BEGAIN: variants seen among roughly 807,000 people sequenced by gnomAD.
BEGAIN encodes brain enriched guanylate kinase associated, also known as brain-enriched guanylate kinase-associated protein.
A neutral mutation model predicts 35.8 loss-of-function variants in BEGAIN; 19 were observed. The observed-to-expected ratio is 0.53, with a 90% CI of 0.37 to 0.78. BEGAIN has a LOEUF of 0.78. Ranked by LOEUF, BEGAIN falls within the 30% of genes least tolerant of loss-of-function variation. The pLI is 0.00. For missense variants in BEGAIN, 795 were observed against 853.6 expected, an observed-to-expected ratio of 0.93 and a Z score of 0.85; for synonymous variants, 462 against 388.6, an observed-to-expected ratio of 1.19 and a Z score of -2.22.
In BEGAIN at chr14:100,538,778, T is replaced by G; in HGVS notation, c.1030A>C (p.Ile344Leu). 3.1e-6 allele frequency: 5 copies of G among 1,591,892 alleles called. No individual in the cohort carries two copies. The highest frequency in any genetic ancestry group is 4.3e-6 in the Non-Finnish European group (5 of 1,170,840). ...ASTLTASQQAIYLNSRDELFD... is the reference protein window; with the variant it reads ...ASTLTASQQALYLNSRDELFD... ...AGCTCGTCGCGGCTGTTCAGGTAGATGGCCTGCTGCGACGCGGTCAGCGTG... is the reference window on the plus strand; with the variant it reads ...AGCTCGTCGCGGCTGTTCAGGTAGAGGGCCTGCTGCGACGCGGTCAGCGTG... The change falls in exon 7 of 7, where the codon ATC (isoleucine) becomes CTC (leucine). Residue 344 changes from isoleucine (I) to leucine (L), a missense_variant. Around this residue, in one of 3 missense-constraint regions of BEGAIN, gnomAD observed 664 missense variants for 647.7 expected, o/e 1.03. Transcript: ENST00000554140.
At chr14:100,559,564 G>A (rs746831866) in intron 2 of BEGAIN, among the ~76,000 whole-genome samples, 3 of 152,318 alleles carry the variant, frequency 2.0e-5, no homozygotes, top group African/African-American at 7.2e-5. Flanking sequence ...AGGAACCCAC[G>A]CTGGCTTTGC....
Position 100,539,000 on chromosome 14 carries a change from C to T in BEGAIN, c.808G>A (p.Val270Met). ...GCCCGCAGGAAGCCCACGTCGGTCA[C>T]GGGCGCGTCCACGCTAGGCCGCCGG... is the stretch of plus-strand genomic sequence containing the variant. ...RDRRPSVDAP[V>M]TDVGFLRAQN... Residue 270 changes from valine (V) to methionine (M), a missense_variant, in exon 7 of 7, where the codon GTG (valine) becomes ATG (methionine). Around this residue, in one of 3 missense-constraint regions of BEGAIN, gnomAD observed 664 missense variants for 647.7 expected, o/e 1.03. Transcript: ENST00000554140. 1.9e-6 allele frequency: 3 copies of T among 1,610,460 alleles called. No individual in the cohort carries two copies. Among genetic ancestry groups the T allele is most frequent in the South Asian group, 2.2e-5 (2 of 90,800 alleles).
At chr14:100,540,422 T>C in intron 6 of BEGAIN, 74 bp downstream of exon 6, 2 of 1,162,992 alleles carry the variant, frequency 1.7e-6, no homozygotes, top group South Asian at 2.6e-5. Flanking sequence ...GGGAAATGGC[T>C]TTGGGGTAGC....
In BEGAIN at chr14:100,567,752, A is replaced by C. The variant is rs1177081302; in HGVS notation, c.71+159T>G. Among the ~76,000 whole-genome samples, 1 of 150,348 alleles carries C rather than the reference A, an allele frequency of 6.7e-6. No homozygotes were observed. The highest frequency in any genetic ancestry group is 1.5e-5 in the Non-Finnish European group (1 of 67,464). On this transcript the variant is annotated intron_variant, in intron 2 of 6. Coordinates refer to ENST00000554140, the MANE Select transcript of BEGAIN (RefSeq NM_001385089.1). This position sits in a 1 kb window ranked among gnomAD's most constrained non-coding sequence, Gnocchi z 5.1. Reference sequence around the variant, plus strand: ...CTCCCCAGCGCCTCGCGGCGCGCACACACGCACCACACACACGCACCTGGC... The same window carrying C: ...CTCCCCAGCGCCTCGCGGCGCGCACCCACGCACCACACACACGCACCTGGC...
In BEGAIN at chr14:100,567,846, T is replaced by C; in HGVS notation, c.71+65A>G. 2.3e-6 allele frequency: 3 copies of C among 1,318,522 alleles called. No individual in the cohort carries two copies. The highest frequency in any genetic ancestry group is 2.5e-5 in the Admixed American group (1 of 40,232). The allele number at this position is 1,318,522 out of a possible 1,614,324, so 81.7% of individuals were successfully genotyped here. On this transcript the variant is annotated intron_variant, in intron 2 of 6. Coordinates refer to ENST00000554140, the MANE Select transcript of BEGAIN (RefSeq NM_001385089.1). This position sits in a 1 kb window ranked among gnomAD's most constrained non-coding sequence, Gnocchi z 5.1. ...TCGGGTGGAGCCCCCTTCCCCCGCC[T>C]TCCCCAGCGCCCTCACCCCCGACCC...
chr14:100,566,103 C>T (rs534296468), intron 2 of BEGAIN, among the ~76,000 whole-genome samples: 22 of 152,344 alleles, frequency 1.4e-4, no homozygotes, highest in Admixed American at 1.2e-3. Context: ...AGGGCAGGAC[C>T]CCTCCCCAGT....
chr14:100,546,810 A>C (rs868729951), intron 2 of BEGAIN, 148 bp from the exon 3 acceptor site: 2 of 568,264 alleles, frequency 3.5e-6, no homozygotes, highest in Non-Finnish European at 5.4e-6. Context: ...ACACACACAC[A>C]CACTCACACA....
At position 100,568,999 on chromosome 14, in the gene BEGAIN, T is replaced by TC; in HGVS notation, c.43-1061dup. The TC allele has an allele frequency of 1.1e-6, 1 of 943,828 alleles. No homozygotes were observed. Among genetic ancestry groups the TC allele is most frequent in the Non-Finnish European group, 1.3e-6 (1 of 794,136 alleles). 58.5% of individuals were successfully genotyped at this position (943,828 alleles called of 1,614,324 possible). ...GCTCGGGTCCGGGCCCCACGCCGCC[T>TC]CCCCCACCGCCCCGCCGGGCGAGGG... On this transcript the variant is annotated intron_variant, in intron 1 of 6. Transcript: ENST00000554140. The surrounding 1 kb of genome is among the most constrained non-coding windows in gnomAD (Gnocchi z 7.5).
At chr14:100,584,566 C>T (rs975073914) in intron 1 of BEGAIN, among the ~76,000 whole-genome samples, 1 of 152,194 alleles carries the variant, frequency 6.6e-6, no homozygotes, top group Non-Finnish European at 1.5e-5. Flanking sequence ...AGAATTCACA[C>T]ACTTAGTCAT....
rs750258133 is a variant in BEGAIN, at chr14:100,546,674, TGGC to T, written c.72-15_72-13del. 7 of 1,530,148 alleles carry T rather than the reference TGGC, an allele frequency of 4.6e-6. No homozygotes were observed. In the Admixed American group the frequency reaches 5.7e-5, roughly 13 times the overall value. 94.8% of individuals were successfully genotyped at this position (1,530,148 alleles called of 1,614,324 possible). On this transcript the variant is annotated splice_polypyrimidine_tract_variant and intron_variant, in intron 2 of 6. Coordinates refer to ENST00000554140, the MANE Select transcript of BEGAIN (RefSeq NM_001385089.1). ...GCTCCTGCAGCGCGCTGCAACGACA[TGGC>T]GGCGGCGGGCCGGGCCGCGGCGCTG...
intron 1 of BEGAIN, among the ~76,000 whole-genome samples, chr14:100,584,040 T>C (rs1429630107): frequency 6.6e-6 from 1 of 152,200 alleles, no homozygotes; most frequent in African/African-American, 2.4e-5. Flanking sequence ...TGCTCTATCC[T>C]GCTAGTGCTT....
At chr14:100,582,291 C>T (rs1487566349) in intron 1 of BEGAIN, among the ~76,000 whole-genome samples, 3 of 152,224 alleles carry the variant, frequency 2.0e-5, no homozygotes, top group African/African-American at 4.8e-5. Context: ...ATTACAGGCA[C>T]GCACCACCAT....
chr14:100,575,866 A>C (rs563933014), intron 1 of BEGAIN, among the ~76,000 whole-genome samples: 1 of 152,146 alleles, frequency 6.6e-6, no homozygotes, highest in East Asian at 1.9e-4. Flanking sequence ...TATGTGCAAG[A>C]AGCCCTGGGA....
At chr14:100,581,231 C>T (rs747747916) in intron 1 of BEGAIN, among the ~76,000 whole-genome samples, 12 of 152,210 alleles carry the variant, frequency 7.9e-5, no homozygotes, top group Non-Finnish European at 1.2e-4. Flanking sequence ...CTGATGTGGC[C>T]GTTTCACTAG....
In BEGAIN at chr14:100,546,599, C is replaced by T; in HGVS notation, c.135G>A (p.Glu45=). ...TGGAGTCGAACTCGGTCTCGAGCTT[C>T]TCGAGCTTGTGTGTGGTGTAGGACA... is the stretch of plus-strand genomic sequence containing the variant. ...KRLSYTTHKL[E]KLETEFDSTR... The change falls in exon 3 of 7, where the codon GAG becomes GAA. Residue 45 remains glutamate (E), a synonymous_variant. Transcript: ENST00000554140. 1 of 1,593,354 alleles carries T rather than the reference C, an allele frequency of 6.3e-7. No homozygotes were observed. Among genetic ancestry groups the T allele is most frequent in the Non-Finnish European group, 8.5e-7 (1 of 1,172,742 alleles).
intron 1 of BEGAIN, among the ~76,000 whole-genome samples, chr14:100,575,300 C>T (rs1452315541): frequency 2.0e-5 from 3 of 152,218 alleles, no homozygotes; most frequent in Admixed American, 6.5e-5. Context: ...AGGTACGAGG[C>T]ACACAGTGGG....
At position 100,558,057 on chromosome 14, in the gene BEGAIN, C is replaced by T. The variant is rs936609402; in HGVS notation, c.71+9854G>A. The stretch of plus-strand genomic sequence containing the variant: ...CTGCAGGTGGGGCTCCAGCTAGTCT[C>T]CCTCGCTCCTGAACCATCCATTTTT... On this transcript the variant is annotated intron_variant, in intron 2 of 6. Coordinates refer to ENST00000554140, the MANE Select transcript of BEGAIN (RefSeq NM_001385089.1). This position sits in a 1 kb window ranked among gnomAD's most constrained non-coding sequence, Gnocchi z 4.6. Among the ~76,000 whole-genome samples, 1 of 152,154 alleles carries T rather than the reference C, an allele frequency of 6.6e-6. No individual in the cohort carries two copies. The highest frequency in any genetic ancestry group is 1.5e-5 in the Non-Finnish European group (1 of 68,026).
intron 1 of BEGAIN, among the ~76,000 whole-genome samples, chr14:100,582,884 C>T (rs1187705957): frequency 6.6e-6 from 1 of 151,734 alleles, no homozygotes; most frequent in Non-Finnish European, 1.5e-5. Context: ...CCCTCCTGAC[C>T]CTGCGCCTGC....
chr14:100,543,778 G>T, intron 5 of BEGAIN, 80 bp downstream of exon 5: 1 of 1,105,528 alleles, frequency 9.0e-7, no homozygotes, highest in Non-Finnish European at 1.3e-6. Flanking sequence ...GAGTCAGAAT[G>T]TGACTCCCAG....
Sources: allele counts gnomAD v4.1 joint callset (sites outside exome capture counted in the v4.1 genomes callset), GRCh38; gene constraint gnomAD v4.1.1; regional missense constraint gnomAD v4.1.1; non-coding constraint Gnocchi (gnomAD v3.1); transcripts MANE v1.5; gene names NCBI Gene and HGNC (gene_info 2026-07-23, HGNC 2026-07-21).